ACY3: variants seen among roughly 807,000 people sequenced by gnomAD.
ACY3 encodes the protein aminoacylase 3, also known as N-acyl-aromatic-L-amino acid amidohydrolase (carboxylate-forming).
Under a neutral mutation model 24.6 loss-of-function variants are expected in ACY3, and 20 were observed. The observed-to-expected ratio is 0.81, with a 90% confidence interval of 0.57 to 1.18. The LOEUF is 1.18. Among genes scored for constraint, ACY3 ranks in the 50% most tolerant of loss-of-function variants. ACY3 has a pLI of 0.00. For missense variants in ACY3, 423 were observed against 426.8 expected (o/e 0.99, Z 0.08); for synonymous variants, 174 against 188.4 (o/e 0.92, Z 0.62).
rs115044142 is a variant in ACY3 at position 67,642,555 on chromosome 11, T to A, written c.*169A>T. 3,018 of 680,840 alleles carry A rather than the reference T, an allele frequency of 4.4e-3. 64 individuals are homozygous for A. The African/African-American group carries it at 0.047, about 10-fold the overall frequency. The allele number at this position is 680,840 out of a possible 1,614,324, so 42.2% of individuals were successfully genotyped here. ...GGACAGAGGACACAAACCATGGACC[T>A]CTGGACATCTTCCATTTTATAGAAA... On this transcript the variant is annotated 3_prime_UTR_variant, in exon 8 of 8. Transcript: ENST00000255082.
At chr11:67,649,013 A>G (rs1180777305) in intron 1 of ACY3, among the ~76,000 whole-genome samples, 1 of 150,672 alleles carries the variant, frequency 6.6e-6, no homozygotes, top group East Asian at 2.0e-4. Flanking sequence ...CATGCCATCA[A>G]CTCCTGTATC....
chr11:67,645,394 A>G lies in ACY3; in HGVS notation c.433-14T>C, dbSNP rs1855495301. On this transcript the variant is annotated splice_polypyrimidine_tract_variant and intron_variant, in intron 4 of 7. Transcript: ENST00000255082. Reference sequence around the variant, plus strand: ...GGGGTACTGCAGCTGGGGGCGAGAGAGGCAGGTTAGGGGCCCAGGCCTACT... The same window carrying G: ...GGGGTACTGCAGCTGGGGGCGAGAGGGGCAGGTTAGGGGCCCAGGCCTACT... The G allele has an allele frequency of 2.5e-6, 4 of 1,611,058 alleles. No homozygotes were observed. Among genetic ancestry groups the G allele is most frequent in the Non-Finnish European group, 2.5e-6 (3 of 1,179,056 alleles).
Position 67,645,218 on chromosome 11 carries a change from C to T in ACY3, c.527-66G>A. On this transcript the variant is annotated intron_variant, in intron 5 of 7. Coordinates refer to ENST00000255082, the MANE Select transcript of ACY3 (RefSeq NM_080658.2). ...CATATACTCCTTGAAGAGGCCCTGC[C>T]CCTTGGTGACTGGACCCGCCCCTCC... 3.1e-6 allele frequency: 5 copies of T among 1,606,222 alleles called. No individual in the cohort carries two copies. The South Asian group carries it at 5.5e-5, about 18-fold the overall frequency.
chr11:67,642,739 C>T lies in ACY3; in HGVS notation c.945G>A (p.Pro315=), dbSNP rs139551384. 16 of 1,613,902 alleles carry T rather than the reference C, an allele frequency of 9.9e-6. No individual in the cohort carries two copies. The highest frequency in any genetic ancestry group is 4.0e-5 in the African/African-American group (3 of 74,892). ...GTGTCTTGGGTTAGGAAGCTGGGCT[C>T]GGGGCAGGGGTCAGCGCGGGCATGG... ...VPAMPALTPA[P]SPAS is the part of the protein sequence containing the mutation. The change falls in exon 8 of 8, where the codon CCG becomes CCA. Residue 315 remains proline (P), a synonymous_variant. Coordinates refer to ENST00000255082, the MANE Select transcript of ACY3 (RefSeq NM_080658.2).
Position 67,642,821 on chromosome 11 carries a change from T to G in ACY3, c.863A>C (p.Tyr288Ser). ...VYPVFINEAA[Y>S]YEKGVAFVQT... ...GACAAAGGCAACGCCCTTCTCATAG[T>G]AGGCAGCCTCGTTAATGAACACGGG... Residue 288 changes from tyrosine (Y) to serine (S), a missense_variant, in exon 8 of 8, where the codon TAC (tyrosine) becomes TCC (serine). Physicochemically the swap from Tyr to Ser is moderately radical, Grantham distance 144. Transcript: ENST00000255082. 2 of 1,614,158 alleles carry G rather than the reference T, an allele frequency of 1.2e-6. No individual in the cohort carries two copies. Among genetic ancestry groups the G allele is most frequent in the Non-Finnish European group, 1.7e-6 (2 of 1,180,040 alleles).
intron 3 of ACY3, 32 bp from the exon 4 acceptor site, chr11:67,645,919 TCA>T (rs1441516898): frequency 1.9e-6 from 3 of 1,554,386 alleles, no homozygotes; most frequent in Admixed American, 3.8e-5. Flanking sequence ...ACACCGATCT[TCA>T]CAGTCTCAGT....
At chr11:67,646,711 G>T in intron 3 of ACY3, 97 bp downstream of exon 3, 1 of 1,165,710 alleles carries the variant, frequency 8.6e-7, no homozygotes, top group Non-Finnish European at 1.3e-6. Flanking sequence ...AAGCAGGAGT[G>T]AAGGCAGGGA....
intron 6 of ACY3, 59 bp from the exon 7 acceptor site, chr11:67,644,928 G>A: frequency 6.3e-7 from 1 of 1,593,938 alleles, no homozygotes; most frequent in Non-Finnish European, 8.6e-7. Context: ...GGACAGACTG[G>A]GCCGTGGGGG....
At position 67,642,850 on chromosome 11, in the gene ACY3, C is replaced by T. The variant is rs1286177669; in HGVS notation, c.834G>A (p.Val278=). 1 of 1,614,110 alleles carries T rather than the reference C, an allele frequency of 6.2e-7. No individual in the cohort carries two copies. Among genetic ancestry groups the T allele is most frequent in the Non-Finnish European group, 8.5e-7 (1 of 1,180,030 alleles). ...EDLLYEGEST[V]YPVFINEAAY... ...CAGCCTCGTTAATGAACACGGGGTA[C>T]ACCGTGGACTCTCCCTCATAGAGCA... Residue 278 remains valine, a synonymous_variant, in exon 8 of 8, where the codon GTG becomes GTA. Coordinates refer to ENST00000255082, the MANE Select transcript of ACY3 (RefSeq NM_080658.2).
At chr11:67,645,913 C>G in intron 3 of ACY3, 26 bp from the exon 4 acceptor site, 2 of 1,559,932 alleles carry the variant, frequency 1.3e-6, no homozygotes, top group Non-Finnish European at 8.7e-7. Flanking sequence ...TGGGGGACAC[C>G]GATCTTCACA....
rs3223257 is a variant in ACY3, at chr11:67,644,732, C to CCACACA, written c.744+22_744+27dup. 5.4e-3 allele frequency: 7,154 copies of CCACACA among 1,314,692 alleles called. 7 individuals are homozygous for CCACACA. Among genetic ancestry groups the CCACACA allele is most frequent in the South Asian group, 0.019 (1,379 of 74,146 alleles). The allele number at this position is 1,314,692 out of a possible 1,614,324, so 81.4% of individuals were successfully genotyped here. A position where few individuals can be genotyped will look rare whatever the true frequency, so the allele number is the denominator to read the frequency against. On this transcript the variant is annotated intron_variant, in intron 7 of 7. Transcript: ENST00000255082. Reference sequence around the variant, plus strand: ...CTGTGGCCCCAGAAATCACCCCCCACCACACACACACACACACACACACAC... The same window carrying CCACACA: ...CTGTGGCCCCAGAAATCACCCCCCACCACACACACACACACACACACACACACACAC...
rs1855482802 is a variant in ACY3, at chr11:67,644,965, C to T, written c.634+80G>A. Reference sequence around the variant, plus strand: ...ACGTCAGGGCTAGATCCCAGCCTGCCTGTGAGCCTGGCTCCCCAACCCCTG... The same window carrying T: ...ACGTCAGGGCTAGATCCCAGCCTGCTTGTGAGCCTGGCTCCCCAACCCCTG... On this transcript the variant is annotated intron_variant, in intron 6 of 7. Transcript: ENST00000255082. 10 of 1,589,486 alleles carry T rather than the reference C, an allele frequency of 6.3e-6. No homozygotes were observed. The East Asian group carries it at 2.2e-4, about 36-fold the overall frequency.
intron 7 of ACY3, among the ~76,000 whole-genome samples, chr11:67,643,180 A>G (rs541983068): frequency 6.6e-6 from 1 of 152,352 alleles, no homozygotes; most frequent in African/African-American, 2.4e-5. Context: ...ACCCTCATGG[A>G]TACGGGCACA....
intron 1 of ACY3, among the ~76,000 whole-genome samples, chr11:67,648,969 A>G (rs1489749247): frequency 1.3e-5 from 2 of 152,032 alleles, no homozygotes; most frequent in Non-Finnish European, 2.9e-5. Context: ...GCCTCAGCAA[A>G]GGGAGGGCAG....
intron 4 of ACY3, 79 bp downstream of exon 4, chr11:67,645,613 G>A (rs1251934755): frequency 6.7e-7 from 1 of 1,492,276 alleles, no homozygotes; most frequent in African/African-American, 1.4e-5. Context: ...CTAAGCAAAG[G>A]AGGTTCCAGC....
intron 7 of ACY3, 127 bp from the exon 8 acceptor site, chr11:67,643,066 C>T (rs1171986393): frequency 1.3e-6 from 1 of 795,284 alleles, no homozygotes; most frequent in Non-Finnish European, 2.0e-6. Context: ...TGCTTCACTT[C>T]CTTAATCCAT....
chr11:67,642,958 G>A lies in ACY3; in HGVS notation c.745-19C>T. 2 of 1,608,380 alleles carry A rather than the reference G, an allele frequency of 1.2e-6. No homozygotes were observed. The highest frequency in any genetic ancestry group is 8.5e-7 in the Non-Finnish European group (1 of 1,177,358). On this transcript the variant is annotated intron_variant, in intron 7 of 7. Transcript: ENST00000255082. ...CTCGGTCCTGGGAGGAGAGCCAAAG[G>A]CCAAGATTGCTGGGGCCACCTCTGC...
At chr11:67,643,571 G>A (rs1052941290) in intron 7 of ACY3, among the ~76,000 whole-genome samples, 7 of 152,058 alleles carry the variant, frequency 4.6e-5, no homozygotes, top group South Asian at 2.1e-4. Context: ...CCAGCTATTC[G>A]GGAGGCTGAG....
intron 1 of ACY3, among the ~76,000 whole-genome samples, chr11:67,649,533 C>CGTGTGTGCAT (rs922363979): frequency 0.062 from 9,372 of 151,988 alleles, 951 homozygotes; most frequent in African/African-American, 0.22. Context: ...AGTGTGTGCG[C>CGTGTGTGCAT]GTGTGTGCAT....
Sources: allele counts gnomAD v4.1 joint callset (sites outside exome capture counted in the v4.1 genomes callset), GRCh38; gene constraint gnomAD v4.1.1; transcripts MANE v1.5; gene names NCBI Gene and HGNC (gene_info 2026-07-23, HGNC 2026-07-21).